Variants in OSBPL1A observed in about 807,000 individuals in gnomAD.
The protein encoded by OSBPL1A is oxysterol binding protein like 1A.
Under a neutral mutation model 137.1 loss-of-function variants are expected in OSBPL1A, and 80 were observed. The ratio of observed to expected loss-of-function variants is 0.58; its 90% CI spans 0.49 to 0.70. The LOEUF (loss-of-function observed/expected upper bound fraction) is 0.70, where lower values mean the gene tolerates loss of function less well. OSBPL1A is among the 30% of genes least tolerant of loss of function. The pLI, the probability that OSBPL1A is intolerant of heterozygous loss-of-function variation, is 0.00. For missense variants in OSBPL1A, 970 were observed against 1,129.4 expected, an observed-to-expected ratio of 0.86 and a Z score of 2.02; for synonymous variants, 365 against 389.7, an observed-to-expected ratio of 0.94 and a Z score of 0.75.
At chr18:24,254,929 T>TA (rs915335595) in intron 15 of OSBPL1A, among the ~76,000 whole-genome samples, 2 of 151,862 alleles carry the variant, frequency 1.3e-5, no homozygotes, top group African/African-American at 2.4e-5. Context: ...TTTGAAAAGA[T>TA]AAACAAAATT....
chr18:24,376,885 A>G (rs898210162), intron 2 of OSBPL1A, among the ~76,000 whole-genome samples: 41 of 152,294 alleles, frequency 2.7e-4, no homozygotes, highest in Admixed American at 7.2e-4. Context: ...TGCGGGGCCC[A>G]CCAAGCCCAC....
chr18:24,355,985 CA>C (rs200338021), intron 4 of OSBPL1A, among the ~76,000 whole-genome samples: 4,732 of 97,312 alleles, frequency 0.049, 221 homozygotes, highest in African/African-American at 0.15. Flanking sequence ...ACTCTTGTCT[CA>C]AAAAAAAAAA....
intron 7 of OSBPL1A, among the ~76,000 whole-genome samples, chr18:24,325,155 T>C (rs771418904): frequency 5.9e-5 from 9 of 151,896 alleles, no homozygotes; most frequent in African/African-American, 7.3e-5. Flanking sequence ...GACAAAATAA[T>C]GGAAAAGGAA....
At chr18:24,285,237 C>G (rs1339015947) in intron 14 of OSBPL1A, among the ~76,000 whole-genome samples, 1 of 152,094 alleles carries the variant, frequency 6.6e-6, no homozygotes, top group Non-Finnish European at 1.5e-5. Flanking sequence ...CAAGCTTTGC[C>G]AAAATAAAAC....
At chr18:24,226,887 A>ATTTTTTTTTTTTTTTTTTTTTTTTTTTT (rs5823416) in intron 16 of OSBPL1A, among the ~76,000 whole-genome samples, 1 of 100,862 alleles carries the variant, frequency 9.9e-6, no homozygotes, top group Non-Finnish European at 1.9e-5. Flanking sequence ...AAAGAAACAG[A>ATTTTTTTTTTTTTTTTTTTTTTTTTTTT]TTTTTTTTTT....
At chr18:24,206,568 A>C (rs2087380987) in intron 17 of OSBPL1A, among the ~76,000 whole-genome samples, 1 of 152,204 alleles carries the variant, frequency 6.6e-6, no homozygotes, top group Non-Finnish European at 1.5e-5. Flanking sequence ...ACTGCGCCTT[A>C]AACATTCCAT....
At chr18:24,358,215 A>G (rs79263757) in intron 4 of OSBPL1A, 77 of 495,844 alleles carry the variant, frequency 1.6e-4, no homozygotes, top group African/African-American at 1.3e-3. Context: ...CATGGTATCC[A>G]GGGGCTCAGA....
At chr18:24,312,285 T>C (rs952366273) in intron 12 of OSBPL1A, among the ~76,000 whole-genome samples, 179 bp from the exon 13 acceptor site, 2 of 152,234 alleles carry the variant, frequency 1.3e-5, no homozygotes, top group Non-Finnish European at 2.9e-5. Context: ...ATGATATGTC[T>C]GGATAAAAGC....
At chr18:24,272,180 G>A (rs2089740216) in intron 15 of OSBPL1A, 1 of 983,734 alleles carries the variant, frequency 1.0e-6, no homozygotes, top group African/African-American at 1.8e-5. Context: ...AGGCGCCTGC[G>A]AGGTCCTAGA....
intron 15 of OSBPL1A, among the ~76,000 whole-genome samples, chr18:24,248,989 G>A (rs1014641561): frequency 1.3e-5 from 2 of 152,152 alleles, no homozygotes; most frequent in East Asian, 1.9e-4. Flanking sequence ...AACAAAAGTC[G>A]TGTTCACTCC....
chr18:24,374,184 C>A (rs1321119149), intron 2 of OSBPL1A, among the ~76,000 whole-genome samples: 3 of 152,044 alleles, frequency 2.0e-5, no homozygotes, highest in African/African-American at 7.2e-5. Flanking sequence ...TTCTCCATAA[C>A]AAAGATATTT....
chr18:24,203,765 G>T (rs1230972266), intron 17 of OSBPL1A, among the ~76,000 whole-genome samples: 1 of 152,140 alleles, frequency 6.6e-6, no homozygotes, highest in African/African-American at 2.4e-5. Flanking sequence ...ACACAAAGGG[G>T]TGTGCTGCCC....
At chr18:24,386,307 T>C (rs993590223) in intron 1 of OSBPL1A, among the ~76,000 whole-genome samples, 4 of 152,064 alleles carry the variant, frequency 2.6e-5, no homozygotes, top group South Asian at 2.1e-4. Flanking sequence ...CCCACAGATA[T>C]CAGTTTTAAG....
intron 14 of OSBPL1A, among the ~76,000 whole-genome samples, chr18:24,284,133 G>A (rs1454258928): frequency 2.6e-5 from 4 of 152,030 alleles, no homozygotes; most frequent in Admixed American, 1.3e-4. Context: ...GCCGAACCTT[G>A]CCGTATGCCA....
At chr18:24,181,304 G>GTTA in intron 18 of OSBPL1A, 25 bp from the exon 19 acceptor site, 1 of 1,611,838 alleles carries the variant, frequency 6.2e-7, no homozygotes, top group South Asian at 1.1e-5. Context: ...AATTGAAAGT[G>GTTA]TTATGTCCCA....
intron 17 of OSBPL1A, among the ~76,000 whole-genome samples, chr18:24,214,460 T>C (rs140558042): frequency 6.0e-4 from 92 of 152,228 alleles, no homozygotes; most frequent in Middle Eastern, 3.4e-3. Context: ...ACTGGTAATT[T>C]TGTTGGTTGG....
Position 24,172,357 on chromosome 18 carries a change from A to G in OSBPL1A, c.2201+19T>C. 1 of 1,564,866 alleles carries G rather than the reference A, an allele frequency of 6.4e-7. No individual in the cohort carries two copies. Among genetic ancestry groups the G allele is most frequent in the East Asian group, 2.2e-5 (1 of 44,622 alleles). On this transcript the variant is annotated intron_variant, in intron 22 of 27. Coordinates refer to ENST00000319481, the MANE Select transcript of OSBPL1A (RefSeq NM_080597.4). The stretch of plus-strand genomic sequence containing the variant: ...TGATGAAAACTGAAGGAATGGACGA[A>G]GTACCCAAGGTGCCTTACTTGTGGT...
intron 1 of OSBPL1A, among the ~76,000 whole-genome samples, chr18:24,383,719 A>T (rs1906766676): frequency 6.6e-6 from 1 of 152,212 alleles, no homozygotes; most frequent in African/African-American, 2.4e-5. Context: ...GTGCCACTGC[A>T]CTCCAGCCTG....
chr18:24,175,101 TGTGTATGTATA>T (rs2086390444), intron 21 of OSBPL1A, among the ~76,000 whole-genome samples: 1 of 46,660 alleles, frequency 2.1e-5, no homozygotes, highest in South Asian at 1.2e-3. Flanking sequence ...TTATTTGCCA[TGTGTATGTATA>T]TATATATATA....
Sources: gnomAD v4.1 joint callset for allele counts (sites outside exome capture counted in the v4.1 genomes callset) on GRCh38, gnomAD v4.1.1 for gene constraint, MANE v1.5 for transcripts, NCBI Gene and HGNC (gene_info 2026-07-23, HGNC 2026-07-21) for gene names.